Variants in STARD13 observed in about 807,000 individuals in gnomAD.
The protein encoded by STARD13 is stAR-related lipid transfer protein 13.
A neutral mutation model predicts 106.4 loss-of-function variants in STARD13; 62 were observed. That is an observed-to-expected ratio of 0.58 (90% CI 0.48 to 0.72). The LOEUF is 0.72. Among genes scored for constraint, STARD13 ranks in the 30% least tolerant of loss-of-function variants. The pLI is 0.00. For missense variants in STARD13, 1,387 were observed against 1,424.0 expected, an observed-to-expected ratio of 0.97 and a Z score of 0.42; for synonymous variants, 565 against 553.0, an observed-to-expected ratio of 1.02 and a Z score of -0.31.
intron 1 of STARD13, among the ~76,000 whole-genome samples, chr13:33,300,930 A>T (rs975276253): frequency 6.6e-6 from 1 of 152,148 alleles, no homozygotes; most frequent in African/African-American, 2.4e-5. Context: ...TACTGAGCTA[A>T]AATGCTAACC....
At position 33,118,095 on chromosome 13, in the gene STARD13, G is replaced by A. The variant is rs2138101301; in HGVS notation, c.2251C>T (p.Leu751Phe). Residue 751 changes from leucine to phenylalanine, a missense_variant, in exon 8 of 14, where the codon CTC (leucine) becomes TTC (phenylalanine). By Grantham distance (22) the Leu-to-Phe change is conservative. Coordinates refer to ENST00000336934, the MANE Select transcript of STARD13 (RefSeq NM_178006.4). ...TAGATATGGAGAAAGGTCTCACTGA[G>A]CTTGTTGGTGAAAAGAGGCTCAGGG... is the stretch of plus-strand genomic sequence containing the variant. ...DLPEPLFTNK[L>F]SETFLHIYQY... is the part of the protein sequence containing the mutation. 3 of 1,614,214 alleles carry A rather than the reference G, an allele frequency of 1.9e-6. No homozygotes were observed. The highest frequency in any genetic ancestry group is 2.5e-6 in the Non-Finnish European group (3 of 1,180,030).
At chr13:33,621,640 A>G in the STARD13 span, among the ~76,000 whole-genome samples, 174 of 139,606 alleles carry the variant, frequency 1.2e-3, 4 homozygotes, top group East Asian at 0.028. Context: ...AGAACACGCC[A>G]TTGCACTCCA....
intron 1 of STARD13, among the ~76,000 whole-genome samples, chr13:33,270,921 T>G (rs919514681): frequency 6.6e-6 from 1 of 152,130 alleles, no homozygotes; most frequent in African/African-American, 2.4e-5. Context: ...ACCCCAAAAT[T>G]AACCTTTTCT....
chr13:33,369,071 A>G, the STARD13 span, among the ~76,000 whole-genome samples: 1 of 107,036 alleles, frequency 9.3e-6, no homozygotes, highest in Non-Finnish European at 2.1e-5. Context: ...CTAAACAAAC[A>G]AATAATTTTT....
the STARD13 span, among the ~76,000 whole-genome samples, chr13:33,469,804 C>T: frequency 1.3e-5 from 2 of 151,776 alleles, no homozygotes; most frequent in Non-Finnish European, 2.9e-5. Flanking sequence ...CACCTGATCA[C>T]AGATATCCCA....
intron 1 of STARD13, among the ~76,000 whole-genome samples, chr13:33,335,753 G>A (rs977063333): frequency 1.3e-5 from 2 of 152,236 alleles, no homozygotes; most frequent in Admixed American, 1.3e-4. Flanking sequence ...GGGCTGCATT[G>A]TCACTGAAGA....
chr13:33,661,894 A>T, the STARD13 span, among the ~76,000 whole-genome samples: 1 of 145,786 alleles, frequency 6.9e-6, no homozygotes, highest in Non-Finnish European at 1.5e-5. Flanking sequence ...CAGGAATATG[A>T]TCTCCTGGCA....
chr13:33,295,687 G>A (rs1001095019), intron 1 of STARD13, among the ~76,000 whole-genome samples: 6 of 151,772 alleles, frequency 4.0e-5, no homozygotes, highest in African/African-American at 1.5e-4. Flanking sequence ...CTATGACAGA[G>A]GTGTGCAGAG....
chr13:33,645,094 G>T, the STARD13 span, among the ~76,000 whole-genome samples: 1 of 152,146 alleles, frequency 6.6e-6, no homozygotes, highest in Admixed American at 6.5e-5. Context: ...CTAAGAGGGG[G>T]AGTCTCTTTC....
At chr13:33,349,113 G>T (rs1027396445) in exon 2 of STARD13, 1 of 702,240 alleles carries the variant, frequency 1.4e-6, no homozygotes, top group Admixed American at 2.0e-5. Flanking sequence ...TAAATCTCCC[G>T]CTTCACCAGT....
the STARD13 span, among the ~76,000 whole-genome samples, chr13:33,486,161 G>T: frequency 3.9e-5 from 6 of 152,108 alleles, no homozygotes; most frequent in Non-Finnish European, 7.4e-5. Context: ...GACTCCTGAA[G>T]TGTCCTCAAG....
At chr13:33,219,915 C>T (rs905194131) in intron 1 of STARD13, among the ~76,000 whole-genome samples, 4 of 151,568 alleles carry the variant, frequency 2.6e-5, no homozygotes, top group Non-Finnish European at 2.9e-5. Flanking sequence ...GGTAGAGGAA[C>T]GCTTTTCCAT....
intron 1 of STARD13, among the ~76,000 whole-genome samples, chr13:33,326,848 A>G (rs1329085221): frequency 6.6e-6 from 1 of 152,218 alleles, no homozygotes; most frequent in African/African-American, 2.4e-5. Flanking sequence ...AATTTGTTGT[A>G]GATGTTTATC....
intron 1 of STARD13, among the ~76,000 whole-genome samples, chr13:33,225,065 A>G (rs1460564213): frequency 6.6e-6 from 1 of 152,212 alleles, no homozygotes; most frequent in African/African-American, 2.4e-5. Flanking sequence ...TTTTTGGATG[A>G]CAATATTTTA....
At chr13:33,304,121 C>A (rs190562482) in intron 1 of STARD13, among the ~76,000 whole-genome samples, 9 of 152,354 alleles carry the variant, frequency 5.9e-5, no homozygotes, top group African/African-American at 1.9e-4. Context: ...GTTGTGAAAT[C>A]CACTCACTGC....
the STARD13 span, among the ~76,000 whole-genome samples, chr13:33,571,997 A>C: frequency 6.6e-6 from 1 of 152,184 alleles, no homozygotes; most frequent in Admixed American, 6.6e-5. Flanking sequence ...GTGGGAAACA[A>C]CAAAGCCTGG....
intron 1 of STARD13, among the ~76,000 whole-genome samples, chr13:33,216,513 T>C (rs1053377547): frequency 6.6e-6 from 1 of 152,122 alleles, no homozygotes; most frequent in Non-Finnish European, 1.5e-5. Flanking sequence ...AGCTGAGCTA[T>C]GAGGATGCAA....
chr13:33,280,271 C>T (rs1397270620), intron 1 of STARD13: 1 of 152,198 alleles, frequency 6.6e-6, no homozygotes. Context: ...GAATACATCA[C>T]TCATGCCCAC....
At chr13:33,417,227 G>A in the STARD13 span, among the ~76,000 whole-genome samples, 1 of 152,132 alleles carries the variant, frequency 6.6e-6, no homozygotes, top group South Asian at 2.1e-4. Flanking sequence ...ATAATAAAAA[G>A]TGTTGGTGAG....
Sources: allele counts gnomAD v4.1 joint callset (sites outside exome capture counted in the v4.1 genomes callset), GRCh38; gene constraint gnomAD v4.1.1; transcripts MANE v1.5; gene names NCBI Gene and HGNC (gene_info 2026-07-23, HGNC 2026-07-21).